Variants in GFRAL observed in about 807,000 individuals in gnomAD.
GFRAL encodes GDNF family receptor alpha like.
A neutral mutation model predicts 45.4 loss-of-function variants in GFRAL; 36 were observed. The ratio of observed to expected loss-of-function variants is 0.79; its 90% CI spans 0.61 to 1.05. GFRAL has a LOEUF of 1.05. Among genes scored for constraint, GFRAL ranks in the 50% least tolerant of loss-of-function variants. The probability of loss-of-function intolerance (pLI) is 0.00; values close to 1 mark genes in which losing one functional copy is unlikely to be tolerated. For missense variants in GFRAL, 507 were observed against 467.5 expected (o/e 1.08, Z -0.78); for synonymous variants, 166 against 154.1 (o/e 1.08, Z -0.57).
chr6:55,359,005 T>C lies in GFRAL; in HGVS notation c.819T>C (p.Asp273=), dbSNP rs1166324777. ...SKQDLTCSGS[D]DCKAAYIDIL... ...AGGACCTCACTTGTTCAGGAAGTGA[T>C]GACTGCAAAGCTGCTTACATAGATA... is the stretch of plus-strand genomic sequence containing the variant. Residue 273 remains aspartate, a synonymous_variant, in exon 6 of 9, where the codon GAT becomes GAC. Transcript: ENST00000340465. 6.8e-6 allele frequency: 11 copies of C among 1,613,138 alleles called. No individual in the cohort carries two copies. Among genetic ancestry groups the C allele is most frequent in the Non-Finnish European group, 7.6e-6 (9 of 1,179,402 alleles).
intron 6 of GFRAL, among the ~76,000 whole-genome samples, chr6:55,397,524 C>CA (rs70986715): frequency 0.37 from 25,239 of 67,352 alleles, 7,399 homozygotes; most frequent in Admixed American, 0.53. Context: ...GACTCCGTCT[C>CA]AAAAAAAAAA....
chr6:55,379,250 AT>A (rs1489940201), intron 6 of GFRAL, among the ~76,000 whole-genome samples: 1 of 151,806 alleles, frequency 6.6e-6, no homozygotes, highest in Non-Finnish European at 1.5e-5. Flanking sequence ...TGTACATATT[AT>A]TTCATCACCC....
chr6:55,387,499 T>C (rs11758709), intron 6 of GFRAL, among the ~76,000 whole-genome samples: 7,156 of 152,300 alleles, frequency 0.047, 246 homozygotes, highest in African/African-American at 0.082. Context: ...TAGCATCAGA[T>C]GTATTGCCAT....
chr6:55,388,921 C>A (rs751350660), intron 6 of GFRAL, among the ~76,000 whole-genome samples: 1 of 152,130 alleles, frequency 6.6e-6, no homozygotes, highest in Non-Finnish European at 1.5e-5. Flanking sequence ...GTTCTTCCCC[C>A]AGCTCCCCTC....
At chr6:55,380,088 A>T (rs1245443937) in intron 6 of GFRAL, among the ~76,000 whole-genome samples, 1 of 151,994 alleles carries the variant, frequency 6.6e-6, no homozygotes, top group African/African-American at 2.4e-5. Context: ...ATAAACATGG[A>T]ATGCAGATAT....
intron 6 of GFRAL, among the ~76,000 whole-genome samples, chr6:55,362,826 C>T (rs957047569): frequency 4.0e-5 from 6 of 150,800 alleles, no homozygotes; most frequent in African/African-American, 1.5e-4. Flanking sequence ...TTCAGATCCT[C>T]CATGTGGATA....
intron 6 of GFRAL, among the ~76,000 whole-genome samples, chr6:55,361,513 TG>T (rs1157027493): frequency 6.6e-6 from 1 of 152,042 alleles, no homozygotes; most frequent in Non-Finnish European, 1.5e-5. Flanking sequence ...ATCATTTTGC[TG>T]TTTTTTTAAA....
At chr6:55,400,810 G>A (rs1346555607) in intron 8 of GFRAL, among the ~76,000 whole-genome samples, 1 of 152,144 alleles carries the variant, frequency 6.6e-6, no homozygotes, top group Non-Finnish European at 1.5e-5. Context: ...AAGTACTTGA[G>A]AACACTGTTT....
chr6:55,369,150 C>A (rs544495289), intron 6 of GFRAL, among the ~76,000 whole-genome samples: 1 of 151,668 alleles, frequency 6.6e-6, no homozygotes, highest in Non-Finnish European at 1.5e-5. Flanking sequence ...CATGGTGCGC[C>A]GTTTTTTAAG....
At chr6:55,328,918 G>A (rs780341678) in intron 1 of GFRAL, among the ~76,000 whole-genome samples, 3 of 151,916 alleles carry the variant, frequency 2.0e-5, no homozygotes, top group Non-Finnish European at 4.4e-5. Flanking sequence ...CTTATAATGA[G>A]GAAAATGTCT....
chr6:55,327,481 G>C lies in GFRAL; in HGVS notation c.-74G>C. ...AGAGGCTGAAGCCTTATTCTGGACAGTTACTCTTAAGAAAGTTGTCAGAAG... is the reference window on the plus strand; with the variant it reads ...AGAGGCTGAAGCCTTATTCTGGACACTTACTCTTAAGAAAGTTGTCAGAAG... On this transcript the variant is annotated 5_prime_UTR_variant, in exon 1 of 9. Coordinates refer to ENST00000340465, the MANE Select transcript of GFRAL (RefSeq NM_207410.2). 1.3e-6 allele frequency: 2 copies of C among 1,523,790 alleles called. No individual in the cohort carries two copies. Among genetic ancestry groups the C allele is most frequent in the South Asian group, 1.1e-5 (1 of 88,200 alleles). The allele number at this position is 1,523,790 out of a possible 1,614,324, so 94.4% of individuals were successfully genotyped here.
chr6:55,371,975 C>G (rs572070242), intron 6 of GFRAL, among the ~76,000 whole-genome samples: 1 of 152,198 alleles, frequency 6.6e-6, no homozygotes, highest in South Asian at 2.1e-4. Flanking sequence ...GTTGATCCAC[C>G]CTTTCCAGTC....
intron 6 of GFRAL, among the ~76,000 whole-genome samples, chr6:55,381,042 G>T (rs1581756556): frequency 6.6e-6 from 1 of 151,882 alleles, no homozygotes; most frequent in South Asian, 2.1e-4. Context: ...TTATAGATCT[G>T]CTCTCAAAAA....
rs34277824 is a variant in GFRAL at position 55,402,432 on chromosome 6, G to GA, written c.*585dup. ...ATGTTATTTTTTTCTTAATACTCAA[G>GA]AAAAAATATATGGTGGTATCTTTTA... On this transcript the variant is annotated 3_prime_UTR_variant, in exon 9 of 9. Coordinates refer to ENST00000340465, the MANE Select transcript of GFRAL (RefSeq NM_207410.2). 1 of 151,744 alleles carries GA rather than the reference G, an allele frequency of 6.6e-6. No individual in the cohort carries two copies. The highest frequency in any genetic ancestry group is 1.5e-5 in the Non-Finnish European group (1 of 67,922). 9.4% of individuals were successfully genotyped at this position (151,744 alleles called of 1,614,324 possible).
chr6:55,341,985 A>G (rs1426827199), intron 3 of GFRAL, among the ~76,000 whole-genome samples: 2 of 152,204 alleles, frequency 1.3e-5, no homozygotes, highest in Non-Finnish European at 2.9e-5. Flanking sequence ...AAAAGAGTAA[A>G]AAGAAATGAA....
intron 8 of GFRAL, 152 bp from the exon 9 acceptor site, chr6:55,401,638 A>G (rs1768897217): frequency 1.6e-6 from 1 of 613,070 alleles, no homozygotes; most frequent in African/African-American, 1.9e-5. Context: ...TAGAAAGAAA[A>G]TATGATATTT....
In GFRAL at chr6:55,358,221, TA is replaced by T. The variant is rs762070646; in HGVS notation, c.702-662del. ...TTGATGTCAACCTATTCAAGAAGAG[TA>T]AAAAGCAATTTTCGGTGACAAACAT... On this transcript the variant is annotated intron_variant, in intron 5 of 8. Transcript: ENST00000340465. Among the ~76,000 whole-genome samples, 195 of 151,902 alleles carry T rather than the reference TA, an allele frequency of 1.3e-3. 1 individual carries two copies. In the Middle Eastern group the frequency reaches 0.02, roughly 16 times the overall value.
intron 6 of GFRAL, among the ~76,000 whole-genome samples, chr6:55,375,180 G>A (rs1768507924): frequency 6.6e-6 from 1 of 152,070 alleles, no homozygotes; most frequent in Non-Finnish European, 1.5e-5. Flanking sequence ...GTAGTTTAAT[G>A]GGAATAGCAT....
chr6:55,348,367 T>C (rs989101479), intron 3 of GFRAL, among the ~76,000 whole-genome samples: 1 of 152,080 alleles, frequency 6.6e-6, no homozygotes, highest in African/African-American at 2.4e-5. Context: ...AGCACTTTAT[T>C]TTCAGACACT....
Sources: allele counts gnomAD v4.1 joint callset (sites outside exome capture counted in the v4.1 genomes callset), GRCh38; gene constraint gnomAD v4.1.1; transcripts MANE v1.5; gene names NCBI Gene and HGNC (gene_info 2026-07-23, HGNC 2026-07-21).